The following PITPNB variants were observed in gnomAD, a reference collection of about 807,000 sequenced individuals.
PITPNB encodes phosphatidylinositol transfer protein beta, also known as phosphatidylinositol transfer protein beta isoform.
Under a neutral mutation model 45.9 loss-of-function variants are expected in PITPNB, and 16 were observed. That is an observed-to-expected ratio of 0.35 (90% CI 0.24 to 0.53). The LOEUF is 0.53. PITPNB is among the 20% of genes least tolerant of loss of function. The pLI is 0.93. For synonymous variants in PITPNB, 112 were observed against 108.9 expected (o/e 1.03, Z -0.18); for missense variants, 188 against 330.5 (o/e 0.57, Z 3.34).
At chr22:27,901,655 G>A (rs910641917) in intron 3 of PITPNB, among the ~76,000 whole-genome samples, 13 of 152,146 alleles carry the variant, frequency 8.5e-5, no homozygotes, top group Non-Finnish European at 1.8e-4. Context: ...AGGTCAAGGT[G>A]GGAGGATCAC....
chr22:27,909,833 G>C (rs552490807), intron 3 of PITPNB, among the ~76,000 whole-genome samples: 1 of 152,126 alleles, frequency 6.6e-6, no homozygotes, highest in Admixed American at 6.5e-5. Flanking sequence ...CGCCCAGGCT[G>C]AAGTGCAGTG....
chr22:27,861,350 C>T lies in PITPNB; in HGVS notation c.535-1109G>A, dbSNP rs140872761. Among the ~76,000 whole-genome samples the T allele has an allele frequency of 2.4e-4, 37 of 152,174 alleles. 1 individual carries two copies. In the East Asian group the frequency reaches 6.9e-3, roughly 29 times the overall value. On this transcript the variant is annotated intron_variant, in intron 8 of 11. Transcript: ENST00000335272. Reference sequence around the variant, plus strand: ...AAATAAACTGGGGTGGGAGGTGGGGCACTGCAACCTATGTTATTATTGATG... The same window carrying T: ...AAATAAACTGGGGTGGGAGGTGGGGTACTGCAACCTATGTTATTATTGATG...
chr22:27,853,261 T>C lies in PITPNB; in HGVS notation c.*441A>G, dbSNP rs746335660. ...TCCACAGCTTGACATTTATGAAACATACCAGCTAGTATTACATTGCAGTCA... is the reference window on the plus strand; with the variant it reads ...TCCACAGCTTGACATTTATGAAACACACCAGCTAGTATTACATTGCAGTCA... On this transcript the variant is annotated 3_prime_UTR_variant, in exon 12 of 12. Transcript: ENST00000335272. The C allele has an allele frequency of 2.1e-3, 452 of 218,160 alleles. No individual in the cohort carries two copies. The highest frequency in any genetic ancestry group is 3.2e-3 in the Non-Finnish European group (352 of 110,962). 13.5% of individuals were successfully genotyped at this position (218,160 alleles called of 1,614,324 possible).
intron 7 of PITPNB, 134 bp from the exon 8 acceptor site, chr22:27,873,949 T>C (rs767283251): frequency 5.5e-5 from 34 of 620,378 alleles, no homozygotes; most frequent in Non-Finnish European, 9.3e-5. Flanking sequence ...TGCGTAAAAG[T>C]AGAAAAATGC....
intron 3 of PITPNB, among the ~76,000 whole-genome samples, chr22:27,908,698 A>T (rs558387658): frequency 2.0e-4 from 31 of 152,272 alleles, no homozygotes; most frequent in African/African-American, 7.2e-4. Flanking sequence ...AGCAAATTCA[A>T]AACTTTAAAT....
intron 7 of PITPNB, among the ~76,000 whole-genome samples, chr22:27,887,714 T>C (rs1569020770): frequency 6.6e-6 from 1 of 152,156 alleles, no homozygotes; most frequent in African/African-American, 2.4e-5. Flanking sequence ...GCACTAAACA[T>C]TGACTGCTGG....
intron 3 of PITPNB, among the ~76,000 whole-genome samples, chr22:27,900,361 C>T (rs1031065679): frequency 4.6e-5 from 7 of 152,062 alleles, no homozygotes; most frequent in Admixed American, 1.3e-4. Flanking sequence ...TTTGCTGACT[C>T]AAATAGAAGG....
chr22:27,857,580 G>A (rs1357119099), intron 10 of PITPNB, among the ~76,000 whole-genome samples: 1 of 152,178 alleles, frequency 6.6e-6, no homozygotes, highest in Non-Finnish European at 1.5e-5. Flanking sequence ...TTCCAAAACT[G>A]GACCTGCTGG....
At chr22:27,908,509 G>C (rs180958457) in intron 3 of PITPNB, among the ~76,000 whole-genome samples, 1 of 151,950 alleles carries the variant, frequency 6.6e-6, no homozygotes, top group East Asian at 1.9e-4. Flanking sequence ...TTATAGGATA[G>C]TGATCTAAAC....
chr22:27,876,755 G>A (rs1331096090), intron 7 of PITPNB, among the ~76,000 whole-genome samples: 1 of 152,182 alleles, frequency 6.6e-6, no homozygotes, highest in Non-Finnish European at 1.5e-5. Context: ...CTTCATGTAT[G>A]ACAGTTTCAG....
intron 7 of PITPNB, among the ~76,000 whole-genome samples, chr22:27,886,881 C>CT (rs1035462500): frequency 4.0e-5 from 6 of 151,696 alleles, no homozygotes; most frequent in South Asian, 2.1e-4. Context: ...AACCATTTAA[C>CT]TTTTTTTTTA....
At chr22:27,860,317 C>A in intron 8 of PITPNB, 76 bp from the exon 9 acceptor site, 1 of 817,584 alleles carries the variant, frequency 1.2e-6, no homozygotes, top group Non-Finnish European at 2.0e-6. Flanking sequence ...TGTTGTATAA[C>A]GACATCATAG....
At chr22:27,890,739 C>T (rs1008107513) in intron 7 of PITPNB, among the ~76,000 whole-genome samples, 4 of 151,988 alleles carry the variant, frequency 2.6e-5, no homozygotes, top group East Asian at 1.9e-4. Context: ...GTGTGAACCC[C>T]GGAGGCGGAG....
intron 3 of PITPNB, among the ~76,000 whole-genome samples, chr22:27,904,860 C>T (rs887337150): frequency 2.6e-5 from 4 of 152,000 alleles, no homozygotes; most frequent in Non-Finnish European, 5.9e-5. Context: ...TTCTGGGAGA[C>T]AAGAGACTCT....
intron 11 of PITPNB, 42 bp from the exon 12 acceptor site, chr22:27,853,705 C>A: frequency 7.1e-7 from 1 of 1,416,506 alleles, no homozygotes; most frequent in East Asian, 2.5e-5. Flanking sequence ...TGTTAAAATA[C>A]AGAGACAGGA....
chr22:27,915,183 T>C (rs1253685301), intron 1 of PITPNB, among the ~76,000 whole-genome samples: 1 of 152,188 alleles, frequency 6.6e-6, no homozygotes, highest in Admixed American at 6.5e-5. Context: ...ATAATTATAG[T>C]TGGTTCCAAG....
At chr22:27,888,118 G>C (rs2036972319) in intron 7 of PITPNB, among the ~76,000 whole-genome samples, 1 of 152,156 alleles carries the variant, frequency 6.6e-6, no homozygotes. Context: ...ATAACAAATG[G>C]AAGCATATTA....
At chr22:27,861,166 A>G (rs1354642001) in intron 8 of PITPNB, among the ~76,000 whole-genome samples, 1 of 151,996 alleles carries the variant, frequency 6.6e-6, no homozygotes, top group Non-Finnish European at 1.5e-5. Flanking sequence ...TCCCGTCTCT[A>G]CTAAAAAATT....
intron 3 of PITPNB, among the ~76,000 whole-genome samples, chr22:27,899,394 G>A (rs1174521721): frequency 2.0e-5 from 3 of 151,982 alleles, no homozygotes; most frequent in Admixed American, 6.6e-5. Context: ...GCAGGATCTC[G>A]GCTCACTGCA....
Sources: gnomAD v4.1 joint callset for allele counts (sites outside exome capture counted in the v4.1 genomes callset) on GRCh38, gnomAD v4.1.1 for gene constraint, MANE v1.5 for transcripts, NCBI Gene and HGNC (gene_info 2026-07-23, HGNC 2026-07-21) for gene names.